Variants in ACTR3C observed in about 807,000 individuals in gnomAD.
The protein encoded by ACTR3C is actin-related protein 3C.
In ACTR3C, 18 loss-of-function variants were observed where a neutral mutation model predicts 26.3. The ratio of observed to expected loss-of-function variants is 0.68; its 90% confidence interval spans 0.47 to 1.01. The LOEUF (loss-of-function observed/expected upper bound fraction) is 1.01, where lower values mean the gene tolerates loss of function less well. Ranked by LOEUF, ACTR3C falls within the 50% of genes least tolerant of loss-of-function variation. The pLI, the probability that ACTR3C is intolerant of heterozygous loss-of-function variation, is 0.00. For synonymous variants in ACTR3C, 55 were observed against 94.5 expected, an observed-to-expected ratio of 0.58 and a Z score of 2.42; for missense variants, 184 against 250.7, an observed-to-expected ratio of 0.73 and a Z score of 1.80.
chr7:150,157,101 A>C, the ACTR3C span, among the ~76,000 whole-genome samples: 1 of 140,876 alleles, frequency 7.1e-6, no homozygotes, highest in Non-Finnish European at 1.5e-5. Context: ...GATGAGAAGC[A>C]TGGTACTTGT....
At chr7:150,249,140 A>C (rs1427548833) in intron 6 of ACTR3C, 86 bp from the exon 7 acceptor site, 1 of 445,806 alleles carries the variant, frequency 2.2e-6, no homozygotes, top group African/African-American at 2.0e-5. Context: ...TTGGAGTCCA[A>C]GATAAAACAG....
the ACTR3C span, among the ~76,000 whole-genome samples, chr7:149,902,006 G>A: frequency 0.017 from 2,544 of 151,082 alleles, 85 homozygotes; most frequent in African/African-American, 0.059. Flanking sequence ...AGGATTATAG[G>A]ATGTGGGTAA....
the ACTR3C span, among the ~76,000 whole-genome samples, chr7:150,026,535 T>C: frequency 6.8e-6 from 1 of 147,046 alleles, no homozygotes; most frequent in Non-Finnish European, 1.5e-5. Flanking sequence ...GGTAATTCAC[T>C]TATTGGGAAT....
At chr7:149,938,023 G>A in the ACTR3C span, among the ~76,000 whole-genome samples, 2 of 152,164 alleles carry the variant, frequency 1.3e-5, no homozygotes, top group African/African-American at 2.4e-5. Context: ...ACCCTTCCCA[G>A]CCTCCTCCTC....
chr7:150,256,337 A>G (rs1156719979), intron 6 of ACTR3C, among the ~76,000 whole-genome samples: 1 of 152,254 alleles, frequency 6.6e-6, no homozygotes, highest in African/African-American at 2.4e-5. Flanking sequence ...AAGTTCTTTG[A>G]GAAATCTCCA....
At chr7:150,106,465 C>A in the ACTR3C span, among the ~76,000 whole-genome samples, 1 of 150,520 alleles carries the variant, frequency 6.6e-6, no homozygotes, top group Non-Finnish European at 1.5e-5. Context: ...TTTTTTATTC[C>A]CTCATTGTAG....
chr7:150,082,947 C>CTTTTTTTT, the ACTR3C span, among the ~76,000 whole-genome samples: 1 of 108,550 alleles, frequency 9.2e-6, no homozygotes, highest in African/African-American at 3.6e-5. Flanking sequence ...TTTTTTTTTT[C>CTTTTTTTT]TTTTTTTTTT....
the ACTR3C span, among the ~76,000 whole-genome samples, chr7:149,922,572 C>A: frequency 6.6e-6 from 1 of 152,036 alleles, no homozygotes; most frequent in African/African-American, 2.4e-5. Flanking sequence ...GGCGGGGATG[C>A]CACATCTCAG....
At chr7:150,042,128 C>A in the ACTR3C span, among the ~76,000 whole-genome samples, 31 of 61,322 alleles carry the variant, frequency 5.1e-4, no homozygotes, top group Admixed American at 1.1e-3. Flanking sequence ...CGATGGGGGT[C>A]CTAAGAGCCA....
At chr7:150,026,752 C>A in the ACTR3C span, among the ~76,000 whole-genome samples, 29 of 151,930 alleles carry the variant, frequency 1.9e-4, no homozygotes, top group African/African-American at 7.0e-4. Flanking sequence ...TTATGTCATT[C>A]AGGAAAAAAA....
chr7:150,045,453 G>A, the ACTR3C span, among the ~76,000 whole-genome samples: 1,001 of 152,096 alleles, frequency 6.6e-3, no homozygotes, highest in Non-Finnish European at 0.011. Flanking sequence ...GATGTGTGCC[G>A]GATATATATG....
chr7:150,037,143 G>GC, the ACTR3C span, among the ~76,000 whole-genome samples: 11 of 47,652 alleles, frequency 2.3e-4, no homozygotes, highest in East Asian at 6.8e-4. Flanking sequence ...TCCCTGCCTC[G>GC]TGGGGGGTGC....
chr7:150,016,420 C>T, the ACTR3C span, among the ~76,000 whole-genome samples: 2 of 152,062 alleles, frequency 1.3e-5, no homozygotes, highest in African/African-American at 2.4e-5. Flanking sequence ...TCCAGGCACA[C>T]CCAAGGCATC....
At chr7:149,954,886 C>T in the ACTR3C span, among the ~76,000 whole-genome samples, 478 of 152,220 alleles carry the variant, frequency 3.1e-3, 2 homozygotes, top group Non-Finnish European at 4.9e-3. Flanking sequence ...CATCTCCATC[C>T]GGGTTTTAAG....
chr7:149,974,503 T>C, the ACTR3C span, among the ~76,000 whole-genome samples: 1 of 152,228 alleles, frequency 6.6e-6, no homozygotes, highest in South Asian at 2.1e-4. Flanking sequence ...GGATCCTCAG[T>C]ACCCGAAATT....
chr7:150,279,951 T>G (rs1485692528), intron 6 of ACTR3C, among the ~76,000 whole-genome samples: 2 of 152,182 alleles, frequency 1.3e-5, no homozygotes, highest in East Asian at 1.9e-4. Flanking sequence ...AACAGTGTCT[T>G]GTACCTAGTA....
chr7:149,882,036 A>C, the ACTR3C span: 1 of 152,416 alleles, frequency 6.6e-6, no homozygotes, highest in African/African-American at 2.4e-5. Context: ...GGAAAGACCA[A>C]AGGGAGCTAA....
At chr7:150,067,206 T>A in the ACTR3C span, among the ~76,000 whole-genome samples, 3 of 151,816 alleles carry the variant, frequency 2.0e-5, no homozygotes, top group African/African-American at 7.3e-5. Flanking sequence ...TAGCCAGGAG[T>A]TCCTTCTTAC....
the ACTR3C span, among the ~76,000 whole-genome samples, chr7:150,185,512 A>G: frequency 6.6e-6 from 1 of 152,170 alleles, no homozygotes; most frequent in Non-Finnish European, 1.5e-5. Context: ...CTTTTTCTAT[A>G]TAAAGGAATG....
Sources: gnomAD v4.1 joint callset for allele counts (sites outside exome capture counted in the v4.1 genomes callset) on GRCh38, gnomAD v4.1.1 for gene constraint, MANE v1.5 for transcripts, NCBI Gene and HGNC (gene_info 2026-07-23, HGNC 2026-07-21) for gene names.